Variants in DPP10 observed in about 807,000 individuals in gnomAD.
DPP10 encodes the protein dipeptidyl peptidase like 10, also known as inactive dipeptidyl peptidase 10.
DPP10 carries 33 observed loss-of-function variants against 120.9 expected under a neutral mutation model. The ratio of observed to expected loss-of-function variants is 0.27; its 90% confidence interval spans 0.21 to 0.37. The LOEUF (loss-of-function observed/expected upper bound fraction) is 0.37, where lower values mean the gene tolerates loss of function less well. Among genes scored for constraint, DPP10 ranks in the 10% least tolerant of loss-of-function variants. The pLI, the probability that DPP10 is intolerant of heterozygous loss-of-function variation, is 1.00. For missense variants in DPP10, 816 were observed against 942.8 expected (o/e 0.87, Z 1.76); for synonymous variants, 337 against 326.1 (o/e 1.03, Z -0.36).
At chr2:115,505,128 T>G (rs2076873930) in intron 4 of DPP10, among the ~76,000 whole-genome samples, 1 of 152,238 alleles carries the variant, frequency 6.6e-6, no homozygotes, top group South Asian at 2.1e-4. Context: ...TTGTCAATAA[T>G]CATAGTGTTA....
At chr2:114,521,918 C>T (rs1183380122) in intron 1 of DPP10, among the ~76,000 whole-genome samples, 3 of 149,938 alleles carry the variant, frequency 2.0e-5, no homozygotes, top group Non-Finnish European at 4.4e-5. Context: ...CGCCATTCTC[C>T]TGCCTCAGCC....
intron 5 of DPP10, among the ~76,000 whole-genome samples, chr2:115,553,677 C>T (rs2080019815): frequency 2.0e-5 from 3 of 151,904 alleles, no homozygotes; most frequent in Non-Finnish European, 4.4e-5. Context: ...GCATATTATA[C>T]TTTATCTGCA....
At chr2:115,568,876 C>G (rs1332680845) in intron 5 of DPP10, among the ~76,000 whole-genome samples, 4 of 152,130 alleles carry the variant, frequency 2.6e-5, no homozygotes, top group African/African-American at 9.7e-5. Context: ...CCACATTGGG[C>G]CAATTAGTGA....
intron 1 of DPP10, among the ~76,000 whole-genome samples, chr2:114,807,245 T>C (rs1019775102): frequency 1.3e-5 from 2 of 152,206 alleles, no homozygotes; most frequent in African/African-American, 4.8e-5. Context: ...TTTTTTCTTT[T>C]GTACATGTAA....
intron 1 of DPP10, among the ~76,000 whole-genome samples, chr2:115,288,588 G>T (rs71418547): frequency 0.023 from 3,449 of 151,576 alleles, 53 homozygotes; most frequent in Non-Finnish European, 0.032. Context: ...AGGCCTGGTT[G>T]GGGGGGAGCC....
At chr2:115,687,358 G>T (rs959759727) in intron 5 of DPP10, among the ~76,000 whole-genome samples, 1 of 152,052 alleles carries the variant, frequency 6.6e-6, no homozygotes, top group Admixed American at 6.6e-5. Flanking sequence ...TTTGAGATCT[G>T]CTGGGAACAC....
chr2:115,179,351 T>G (rs932232238), intron 1 of DPP10, among the ~76,000 whole-genome samples: 1 of 152,138 alleles, frequency 6.6e-6, no homozygotes, highest in African/African-American at 2.4e-5. Context: ...TAATCCCGCA[T>G]TATTAAAATG....
intron 5 of DPP10, among the ~76,000 whole-genome samples, chr2:115,669,671 G>A (rs1215997322): frequency 1.3e-5 from 2 of 152,098 alleles, no homozygotes; most frequent in African/African-American, 4.8e-5. Flanking sequence ...CCAGATGAAA[G>A]TGCAGCCAGA....
intron 11 of DPP10, among the ~76,000 whole-genome samples, chr2:115,762,063 G>T (rs1680177938): frequency 6.6e-6 from 1 of 152,018 alleles, no homozygotes. Flanking sequence ...ACATAATTTT[G>T]TCATTTCAAA....
intron 1 of DPP10, among the ~76,000 whole-genome samples, chr2:115,249,210 T>C (rs187415525): frequency 6.6e-6 from 1 of 152,268 alleles, no homozygotes; most frequent in East Asian, 1.9e-4. Flanking sequence ...TTAATTAATG[T>C]CCTGATATAA....
At chr2:114,747,586 G>A (rs1241470022) in intron 1 of DPP10, among the ~76,000 whole-genome samples, 1 of 152,204 alleles carries the variant, frequency 6.6e-6, no homozygotes, top group East Asian at 1.9e-4. Context: ...ACACATGGCT[G>A]TAAGGGGAAA....
At chr2:114,827,951 A>AT (rs1686713246) in intron 1 of DPP10, among the ~76,000 whole-genome samples, 2 of 152,198 alleles carry the variant, frequency 1.3e-5, no homozygotes, top group Non-Finnish European at 2.9e-5. Flanking sequence ...CAGAAAGCAG[A>AT]TTTTTATTCA....
At chr2:115,381,529 G>A (rs541132480) in intron 3 of DPP10, among the ~76,000 whole-genome samples, 6 of 152,134 alleles carry the variant, frequency 3.9e-5, no homozygotes, top group African/African-American at 1.2e-4. Flanking sequence ...AAATTTGATC[G>A]TCTGAAGCCT....
chr2:114,447,681 A>G (rs1678021619), intron 1 of DPP10, among the ~76,000 whole-genome samples: 1 of 152,198 alleles, frequency 6.6e-6, no homozygotes, highest in Non-Finnish European at 1.5e-5. Context: ...ATTCATACAC[A>G]CTAAAGAAAG....
At chr2:114,753,738 T>C (rs544670033) in intron 1 of DPP10, among the ~76,000 whole-genome samples, 1 of 151,542 alleles carries the variant, frequency 6.6e-6, no homozygotes, top group South Asian at 2.1e-4. Flanking sequence ...TGAAACCCCA[T>C]CTATACTTAA....
At chr2:115,110,990 C>T (rs979361095) in intron 1 of DPP10, among the ~76,000 whole-genome samples, 1 of 151,876 alleles carries the variant, frequency 6.6e-6, no homozygotes, top group Non-Finnish European at 1.5e-5. Context: ...AAAATATAAG[C>T]ACAATAAAAA....
intron 1 of DPP10, among the ~76,000 whole-genome samples, chr2:114,785,664 A>G (rs1200913930): frequency 6.6e-6 from 1 of 152,120 alleles, no homozygotes; most frequent in African/African-American, 2.4e-5. Context: ...CTGTAGAGGC[A>G]ATGTAGAGGG....
At chr2:114,680,149 A>G (rs1465064166) in intron 1 of DPP10, among the ~76,000 whole-genome samples, 1 of 152,022 alleles carries the variant, frequency 6.6e-6, no homozygotes, top group Admixed American at 6.6e-5. Context: ...TGTCTAGGCT[A>G]AAGATATGAT....
rs559684445 is a variant in DPP10 at position 115,061,039 on chromosome 2, C to T, written c.61-248200C>T. On this transcript the variant is annotated intron_variant, in intron 1 of 25. Transcript: ENST00000410059. ...TCCCCTTTAAACAATTAACCAGAGT[C>T]TCTTGGTTCCCTTGGAGACTATTCT... Among the ~76,000 whole-genome samples the T allele has an allele frequency of 6.6e-5, 10 of 152,254 alleles. No individual in the cohort carries two copies. In the South Asian group the frequency reaches 1.9e-3, roughly 28 times the overall value.
Sources: allele counts gnomAD v4.1 joint callset (sites outside exome capture counted in the v4.1 genomes callset), GRCh38; gene constraint gnomAD v4.1.1; transcripts MANE v1.5; gene names NCBI Gene and HGNC (gene_info 2026-07-23, HGNC 2026-07-21).